The following CHLSN variants were observed in gnomAD, a reference collection of about 807,000 sequenced individuals.
CHLSN encodes cholesin.
At chr7:1,082,996 G>A in the CHLSN span, among the ~76,000 whole-genome samples, 432 of 152,350 alleles carry the variant, frequency 2.8e-3, 4 homozygotes, top group Middle Eastern at 3.4e-3. Context: ...ACCGAGGTGG[G>A]GCTGGGACAA....
At chr7:1,117,659 A>C in the CHLSN span, among the ~76,000 whole-genome samples, 6 of 146,002 alleles carry the variant, frequency 4.1e-5, no homozygotes, top group Middle Eastern at 3.8e-3. Context: ...ACCGGCTTCC[A>C]TCACCGACGC....
chr7:988,255 T>C, the CHLSN span: 1 of 1,559,076 alleles, frequency 6.4e-7, no homozygotes, highest in Non-Finnish European at 8.7e-7. Flanking sequence ...CCCCTCTCTC[T>C]GTGCCCCGGC....
the CHLSN span, among the ~76,000 whole-genome samples, chr7:1,060,553 A>G: frequency 6.6e-6 from 1 of 152,300 alleles, no homozygotes; most frequent in Non-Finnish European, 1.5e-5. Context: ...CTCTGGTCCC[A>G]GTCTCCTGGG....
chr7:1,034,513 G>A, the CHLSN span, among the ~76,000 whole-genome samples: 1 of 152,220 alleles, frequency 6.6e-6, no homozygotes, highest in Non-Finnish European at 1.5e-5. Flanking sequence ...GCCTGATTTC[G>A]GGACATCGGA....
chr7:1,021,315 T>C, the CHLSN span: 25 of 951,414 alleles, frequency 2.6e-5, no homozygotes, highest in Middle Eastern at 2.2e-3. Flanking sequence ...GGCAGGTTTC[T>C]TTCTTCTTCC....
chr7:1,017,067 G>A, the CHLSN span, among the ~76,000 whole-genome samples: 4 of 152,238 alleles, frequency 2.6e-5, no homozygotes, highest in East Asian at 1.9e-4. Context: ...TGTCATTGAG[G>A]GTGTGGGGTC....
the CHLSN span, chr7:1,010,196 G>C: frequency 6.6e-7 from 1 of 1,525,140 alleles, no homozygotes; most frequent in Admixed American, 1.9e-5. Context: ...TCCAGAGACG[G>C]GTGCGCTGCC....
At chr7:1,002,415 G>GA in the CHLSN span, among the ~76,000 whole-genome samples, 1 of 132,856 alleles carries the variant, frequency 7.5e-6, no homozygotes, top group African/African-American at 2.9e-5. Flanking sequence ...TCCTGCCGGT[G>GA]GGGAGTCCTG....
chr7:996,055 C>T, the CHLSN span, among the ~76,000 whole-genome samples: 1 of 152,252 alleles, frequency 6.6e-6, no homozygotes, highest in Admixed American at 6.5e-5. Context: ...CATCTTAGCC[C>T]AGCCCTGGGT....
the CHLSN span, among the ~76,000 whole-genome samples, chr7:981,037 T>C: frequency 7.9e-5 from 12 of 152,092 alleles, no homozygotes; most frequent in Admixed American, 3.9e-4. Context: ...GGCTCACGCC[T>C]GTAATCCCAG....
At chr7:1,133,290 G>A in the CHLSN span, among the ~76,000 whole-genome samples, 1 of 150,968 alleles carries the variant, frequency 6.6e-6, no homozygotes, top group African/African-American at 2.4e-5. Flanking sequence ...CAAGTGGAGG[G>A]AAGAGTGGGT....
chr7:1,008,860 CGCACACACGT>C, the CHLSN span, among the ~76,000 whole-genome samples: 1 of 150,788 alleles, frequency 6.6e-6, no homozygotes, highest in Admixed American at 6.6e-5. Context: ...CGTAAACACA[CGCACACACGT>C]GTACGCAACA....
chr7:1,044,345 G>A, the CHLSN span, among the ~76,000 whole-genome samples: 1 of 152,230 alleles, frequency 6.6e-6, no homozygotes, highest in Non-Finnish European at 1.5e-5. Flanking sequence ...AGGGAATCTC[G>A]CACGAGTTCG....
At chr7:986,770 T>C in the CHLSN span, 10 of 1,594,084 alleles carry the variant, frequency 6.3e-6, no homozygotes, top group Non-Finnish European at 8.5e-6. Context: ...TGTGCAGCTA[T>C]GTGGACGCCC....
the CHLSN span, among the ~76,000 whole-genome samples, chr7:1,125,075 C>T: frequency 2.0e-5 from 3 of 152,378 alleles, no homozygotes; most frequent in South Asian, 6.2e-4. Flanking sequence ...TCCACCCACG[C>T]CTGCTGAGCC....
chr7:1,005,819 G>A, the CHLSN span, among the ~76,000 whole-genome samples: 16,611 of 152,154 alleles, frequency 0.11, 970 homozygotes, highest in African/African-American at 0.17. Flanking sequence ...GGCTGGATCC[G>A]TGTGGCCCGG....
chr7:1,128,967 C>G, the CHLSN span, among the ~76,000 whole-genome samples: 1 of 3,588 alleles, frequency 2.8e-4, no homozygotes. Flanking sequence ...TCGGCTCATC[C>G]CACCCTGTCA....
the CHLSN span, among the ~76,000 whole-genome samples, chr7:1,038,936 C>G: frequency 1.4e-5 from 1 of 69,400 alleles, no homozygotes; most frequent in Non-Finnish European, 3.1e-5. Context: ...TGAGGGGCGC[C>G]TCTGCCCGGC....
At chr7:1,031,187 C>A in the CHLSN span, among the ~76,000 whole-genome samples, 1 of 152,224 alleles carries the variant, frequency 6.6e-6, no homozygotes, top group African/African-American at 2.4e-5. Flanking sequence ...CCGTTCCACA[C>A]GCTACATATC....
Sources: allele counts gnomAD v4.1 joint callset (sites outside exome capture counted in the v4.1 genomes callset), GRCh38; gene constraint gnomAD v4.1.1; transcripts MANE v1.5; gene names NCBI Gene and HGNC (gene_info 2026-07-23, HGNC 2026-07-21).